The following TAF3 variants were observed in gnomAD, a reference collection of about 807,000 sequenced individuals.
TAF3 encodes TATA-box binding protein associated factor 3, also known as transcription initiation factor TFIID subunit 3.
TAF3 carries 7 observed loss-of-function variants against 80.6 expected under a neutral mutation model. The ratio of observed to expected loss-of-function variants is 0.09; its 90% CI spans 0.05 to 0.16. TAF3 has a LOEUF of 0.16. Among genes scored for constraint, TAF3 ranks in the 10% least tolerant of loss-of-function variants. TAF3 has a pLI of 1.00. For synonymous variants in TAF3, 444 were observed against 446.1 expected (o/e 1.00, Z 0.06); for missense variants, 921 against 1,140.2 (o/e 0.81, Z 2.77).
chr10:7,923,820 C>T (rs938167425), intron 2 of TAF3, among the ~76,000 whole-genome samples: 5 of 151,902 alleles, frequency 3.3e-5, no homozygotes, highest in African/African-American at 1.2e-4. Context: ...AATTTTTGCA[C>T]ATAATTGACT....
intron 1 of TAF3, among the ~76,000 whole-genome samples, chr10:7,819,837 C>A (rs1413248037): frequency 1.3e-5 from 2 of 152,206 alleles, no homozygotes; most frequent in Non-Finnish European, 2.9e-5. Flanking sequence ...AAAATTGAGA[C>A]TCACAGACAC....
chr10:7,851,592 C>T (rs988186596), intron 2 of TAF3, among the ~76,000 whole-genome samples: 2 of 152,118 alleles, frequency 1.3e-5, no homozygotes. Context: ...CCAGCTTCAC[C>T]CGTATCTACT....
At chr10:8,010,803 G>A (rs1233437424) in intron 5 of TAF3, among the ~76,000 whole-genome samples, 1 of 152,070 alleles carries the variant, frequency 6.6e-6, no homozygotes, top group African/African-American at 2.4e-5. Context: ...CCAGCTACTC[G>A]GGAGGCTCAG....
chr10:7,994,006 C>G (rs1831859956), intron 4 of TAF3, among the ~76,000 whole-genome samples: 1 of 146,352 alleles, frequency 6.8e-6, no homozygotes, highest in Non-Finnish European at 1.5e-5. Flanking sequence ...CTCTCTCTGT[C>G]TCTTTTTCTC....
intron 2 of TAF3, among the ~76,000 whole-genome samples, chr10:7,881,252 C>CA (rs1016535655): frequency 0.014 from 2,065 of 143,216 alleles, 36 homozygotes; most frequent in African/African-American, 0.037. Flanking sequence ...AAAAAAAAAA[C>CA]AAAAAAAAAA....
chr10:7,969,370 A>G (rs1831601477), intron 3 of TAF3, among the ~76,000 whole-genome samples: 1 of 152,170 alleles, frequency 6.6e-6, no homozygotes. Flanking sequence ...GCAGTGATAA[A>G]TCTAACATTA....
chr10:8,012,696 T>C (rs1034125296), intron 5 of TAF3, among the ~76,000 whole-genome samples: 2 of 152,166 alleles, frequency 1.3e-5, no homozygotes, highest in African/African-American at 4.8e-5. Context: ...CTTTAGGAAG[T>C]TTTCCTGTCA....
At position 8,015,194 on chromosome 10, in the gene TAF3, T is replaced by TA. The variant is rs1832092879; in HGVS notation, c.*445dup. On this transcript the variant is annotated 3_prime_UTR_variant, in exon 7 of 7. Coordinates refer to ENST00000344293, the MANE Select transcript of TAF3 (RefSeq NM_031923.4). ...CAGCCCCTTTCCCTCTATAGTAAGA[T>TA]AATCAGAATAACATAAAAGAAAACT... 1 of 152,958 alleles carries TA rather than the reference T, an allele frequency of 6.5e-6. No homozygotes were observed. Among genetic ancestry groups the TA allele is most frequent in the South Asian group, 2.0e-4 (1 of 4,890 alleles). 9.5% of individuals were successfully genotyped at this position (152,958 alleles called of 1,614,324 possible). A position where few individuals can be genotyped will look rare whatever the true frequency, so the allele number is the denominator to read the frequency against.
chr10:7,873,626 C>CCT (rs1554779088), intron 2 of TAF3, among the ~76,000 whole-genome samples: 1 of 146,834 alleles, frequency 6.8e-6, no homozygotes, highest in Non-Finnish European at 1.5e-5. Flanking sequence ...CTCCCCCCCC[C>CCT]CCCGTCAAAA....
chr10:7,958,243 C>T (rs1838155986), intron 2 of TAF3, among the ~76,000 whole-genome samples: 1 of 152,226 alleles, frequency 6.6e-6, no homozygotes, highest in Admixed American at 6.5e-5. Context: ...AAGCCAGATA[C>T]TCATTATGTG....
chr10:7,962,951 T>A (rs1387293565), intron 2 of TAF3, among the ~76,000 whole-genome samples: 1 of 152,210 alleles, frequency 6.6e-6, no homozygotes, highest in Non-Finnish European at 1.5e-5. Flanking sequence ...CTCAGCCAAG[T>A]AGGCAGGGCA....
intron 2 of TAF3, among the ~76,000 whole-genome samples, chr10:7,942,110 G>A (rs1187627837): frequency 6.6e-6 from 1 of 152,080 alleles, no homozygotes; most frequent in Non-Finnish European, 1.5e-5. Flanking sequence ...TTTTTATTAA[G>A]TTCTGTAATG....
intron 2 of TAF3, among the ~76,000 whole-genome samples, chr10:7,962,074 C>G (rs1831509954): frequency 6.6e-6 from 1 of 152,164 alleles, no homozygotes; most frequent in South Asian, 2.1e-4. Flanking sequence ...TGGTTTCAAA[C>G]TCCTGGGCTC....
intron 5 of TAF3, among the ~76,000 whole-genome samples, chr10:8,011,054 C>T (rs902609109): frequency 6.6e-6 from 1 of 152,136 alleles, no homozygotes; most frequent in Admixed American, 6.5e-5. Flanking sequence ...GAATTAAACA[C>T]ACAAACACAC....
At chr10:7,897,955 C>T (rs1284429421) in intron 2 of TAF3, among the ~76,000 whole-genome samples, 2 of 152,148 alleles carry the variant, frequency 1.3e-5, no homozygotes, top group African/African-American at 4.8e-5. Context: ...GCCACCACAC[C>T]CGGTCCCTAT....
intron 4 of TAF3, among the ~76,000 whole-genome samples, chr10:8,007,607 T>C (rs1312633447): frequency 7.0e-5 from 7 of 100,132 alleles, no homozygotes; most frequent in African/African-American, 2.0e-4. Flanking sequence ...TATATATATA[T>C]ATACCTTTTT....
intron 4 of TAF3, among the ~76,000 whole-genome samples, chr10:7,995,632 C>G (rs1831880428): frequency 6.6e-6 from 1 of 152,166 alleles, no homozygotes. Context: ...CTATATTTTC[C>G]CCTAATTACT....
intron 2 of TAF3, among the ~76,000 whole-genome samples, chr10:7,869,863 A>G (rs79132166): frequency 0.018 from 2,774 of 152,284 alleles, 78 homozygotes; most frequent in African/African-American, 0.062. Context: ...TTATGTTTAT[A>G]AACTATTTGT....
At chr10:7,857,243 G>C (rs1837090281) in intron 2 of TAF3, among the ~76,000 whole-genome samples, 1 of 152,238 alleles carries the variant, frequency 6.6e-6, no homozygotes, top group South Asian at 2.1e-4. Flanking sequence ...TTCCTCAGCT[G>C]TTTGTGTTCT....
Sources: allele counts gnomAD v4.1 joint callset (sites outside exome capture counted in the v4.1 genomes callset), GRCh38; gene constraint gnomAD v4.1.1; transcripts MANE v1.5; gene names NCBI Gene and HGNC (gene_info 2026-07-23, HGNC 2026-07-21).